The following CNTN5 variants were observed in gnomAD, a reference collection of about 807,000 sequenced individuals.
CNTN5 encodes the protein contactin-5.
A neutral mutation model predicts 129.1 loss-of-function variants in CNTN5; 77 were observed. The observed-to-expected ratio is 0.60, with a 90% CI of 0.50 to 0.72. CNTN5 has a LOEUF of 0.72. Among genes scored for constraint, CNTN5 ranks in the 30% least tolerant of loss-of-function variants. The probability of loss-of-function intolerance (pLI) is 0.00; values close to 1 mark genes in which losing one functional copy is unlikely to be tolerated. For synonymous variants in CNTN5, 509 were observed against 465.6 expected (o/e 1.09, Z -1.20); for missense variants, 1,478 against 1,328.8 (o/e 1.11, Z -1.75).
chr11:99,578,485 C>A lies in CNTN5; in HGVS notation c.55+22216C>A, dbSNP rs372368069. 4.0e-3 allele frequency among the ~76,000 whole-genome samples: 597 copies of A among 150,246 alleles called. 24 individuals carry two copies. In the East Asian group the frequency reaches 0.096, roughly 24 times the overall value. On this transcript the variant is annotated intron_variant, in intron 3 of 24. Transcript: ENST00000524871. ...TCCTATTTCTCCACATCCTCTCCAG[C>A]ACCTGTTGTTTCCTGACTTTTTAAT...
chr11:99,108,549 G>A (rs1032991343), intron 1 of CNTN5, among the ~76,000 whole-genome samples: 5 of 152,018 alleles, frequency 3.3e-5, no homozygotes, highest in African/African-American at 1.2e-4. Context: ...TCCACGACAT[G>A]GTTTAGTTTT....
intron 13 of CNTN5, among the ~76,000 whole-genome samples, chr11:100,083,290 T>C (rs1461895231): frequency 6.8e-6 from 1 of 147,772 alleles, no homozygotes; most frequent in Non-Finnish European, 1.5e-5. Context: ...GTACTCCAGC[T>C]TGGGCAATGA....
intron 1 of CNTN5, among the ~76,000 whole-genome samples, chr11:99,249,061 T>C (rs997949231): frequency 3.3e-5 from 5 of 152,134 alleles, no homozygotes; most frequent in African/African-American, 1.2e-4. Flanking sequence ...TTGGGCAGTA[T>C]GGCCATTTTC....
intron 3 of CNTN5, among the ~76,000 whole-genome samples, chr11:99,571,237 T>C (rs1460034313): frequency 2.0e-5 from 3 of 152,198 alleles, no homozygotes; most frequent in African/African-American, 7.2e-5. Context: ...TATTTAGACC[T>C]GTAGGTTTTC....
At chr11:99,964,553 A>G (rs953200380) in intron 8 of CNTN5, among the ~76,000 whole-genome samples, 2 of 152,092 alleles carry the variant, frequency 1.3e-5, no homozygotes, top group Non-Finnish European at 2.9e-5. Context: ...TGCCGGATTC[A>G]GTTTGCCAGT....
chr11:100,340,679 A>T, intron 22 of CNTN5, 30 bp downstream of exon 22: 1 of 1,555,972 alleles, frequency 6.4e-7, no homozygotes, highest in Non-Finnish European at 8.7e-7. Flanking sequence ...TGTTTGTTTC[A>T]GACAAAGGGG....
At chr11:99,734,983 G>T (rs1412944079) in intron 3 of CNTN5, among the ~76,000 whole-genome samples, 1 of 151,188 alleles carries the variant, frequency 6.6e-6, no homozygotes, top group African/African-American at 2.4e-5. Context: ...AGTCCGCCCT[G>T]GGGGAAAGAG....
At chr11:100,297,721 A>G (rs1461004624) in intron 19 of CNTN5, 26 bp downstream of exon 19, 1 of 1,516,518 alleles carries the variant, frequency 6.6e-7, no homozygotes. Flanking sequence ...CCTCTCACAA[A>G]TTACTCCACG....
chr11:99,062,770 C>T (rs937906488), intron 1 of CNTN5, among the ~76,000 whole-genome samples: 1 of 152,038 alleles, frequency 6.6e-6, no homozygotes, highest in Non-Finnish European at 1.5e-5. Context: ...CTAAACAATG[C>T]CATTGATAAA....
chr11:99,807,109 A>T (rs1946296919), intron 3 of CNTN5, among the ~76,000 whole-genome samples: 1 of 152,158 alleles, frequency 6.6e-6, no homozygotes, highest in Admixed American at 6.5e-5. Flanking sequence ...ATAAAGTGCA[A>T]ATCTAATGAA....
chr11:99,183,105 T>C (rs529530686), intron 1 of CNTN5, among the ~76,000 whole-genome samples: 108 of 152,240 alleles, frequency 7.1e-4, no homozygotes, highest in Middle Eastern at 6.8e-3. Flanking sequence ...TTACATTCAA[T>C]TTTGGTTACT....
chr11:99,517,233 T>C (rs1947091465), intron 2 of CNTN5, among the ~76,000 whole-genome samples: 1 of 152,122 alleles, frequency 6.6e-6, no homozygotes, highest in South Asian at 2.1e-4. Context: ...TCAAGCTCTA[T>C]CAAATTTCCT....
intron 3 of CNTN5, among the ~76,000 whole-genome samples, chr11:99,704,781 A>G (rs970351120): frequency 8.6e-5 from 13 of 151,262 alleles, no homozygotes; most frequent in African/African-American, 2.9e-4. Flanking sequence ...TTCACAGAGG[A>G]AAAATGAGGA....
chr11:99,460,914 A>G (rs959478639), intron 2 of CNTN5, among the ~76,000 whole-genome samples: 10 of 152,094 alleles, frequency 6.6e-5, no homozygotes, highest in African/African-American at 7.2e-5. Flanking sequence ...TAAAATGCCC[A>G]TATGAAGATT....
At chr11:99,626,595 G>A (rs1198807901) in intron 3 of CNTN5, among the ~76,000 whole-genome samples, 1 of 152,064 alleles carries the variant, frequency 6.6e-6, no homozygotes, top group East Asian at 1.9e-4. Flanking sequence ...CTGGCTTTCT[G>A]CATGTAATTG....
chr11:99,857,080 C>T (rs1336755787), intron 6 of CNTN5, among the ~76,000 whole-genome samples: 2 of 150,918 alleles, frequency 1.3e-5, no homozygotes, highest in Non-Finnish European at 3.0e-5. Flanking sequence ...CCCTCTCTTC[C>T]TCTCTCTCTG....
intron 2 of CNTN5, among the ~76,000 whole-genome samples, chr11:99,452,747 A>G (rs1409181294): frequency 6.6e-6 from 1 of 152,134 alleles, no homozygotes; most frequent in Non-Finnish European, 1.5e-5. Context: ...CTATGTACGA[A>G]TAAGTCATTT....
chr11:99,245,486 T>G (rs2135772968), intron 1 of CNTN5, among the ~76,000 whole-genome samples: 1 of 152,000 alleles, frequency 6.6e-6, no homozygotes, highest in Non-Finnish European at 1.5e-5. Context: ...CCCGGCTAAT[T>G]TTTTTTGTAT....
intron 2 of CNTN5, among the ~76,000 whole-genome samples, chr11:99,453,614 GAA>G (rs1216041565): frequency 1.3e-5 from 2 of 152,142 alleles, no homozygotes; most frequent in Admixed American, 1.3e-4. Flanking sequence ...TATGAGCGAT[GAA>G]AAAACTAAAG....
Sources: gnomAD v4.1 joint callset for allele counts (sites outside exome capture counted in the v4.1 genomes callset) on GRCh38, gnomAD v4.1.1 for gene constraint, MANE v1.5 for transcripts, NCBI Gene and HGNC (gene_info 2026-07-23, HGNC 2026-07-21) for gene names.